ECI1: variants seen among roughly 807,000 people sequenced by gnomAD.
ECI1 encodes enoyl-CoA delta isomerase 1.
In ECI1, 34 loss-of-function variants were observed where a neutral mutation model predicts 34.2. The observed-to-expected ratio is 1.00, with a 90% CI of 0.76 to 1.33. The LOEUF (loss-of-function observed/expected upper bound fraction) is 1.33. Ranked by LOEUF, ECI1 falls within the 40% of genes most tolerant of loss-of-function variation. The pLI is 0.00. For synonymous variants in ECI1, 211 were observed against 193.0 expected, an observed-to-expected ratio of 1.09 and a Z score of -0.77; for missense variants, 456 against 422.2, an observed-to-expected ratio of 1.08 and a Z score of -0.70.
chr16:2,245,286 T>C (rs974064761), intron 3 of ECI1, among the ~76,000 whole-genome samples: 4 of 152,200 alleles, frequency 2.6e-5, no homozygotes, highest in African/African-American at 9.6e-5. Context: ...GTGGGTGAAC[T>C]TGTTCCTGCA....
Position 2,239,548 on chromosome 16 carries a change from G to C in ECI1, c.*431C>G. On this transcript the variant is annotated 3_prime_UTR_variant, in exon 7 of 7. Transcript: ENST00000301729. ...TGCGCTCTTCATCCTGATGAGTAAG[G>C]GCAGTGACCAAAGGGCTTTTCCCTG... The C allele has an allele frequency of 3.3e-6, 1 of 298,922 alleles. No homozygotes were observed. The highest frequency in any genetic ancestry group is 6.5e-6 in the Non-Finnish European group (1 of 152,890). The allele number at this position is 298,922 out of a possible 1,614,324, so 18.5% of individuals were successfully genotyped here.
In ECI1 at chr16:2,239,958, A is replaced by G. The variant is rs758545686; in HGVS notation, c.*21T>C. 36 of 1,613,060 alleles carry G rather than the reference A, an allele frequency of 2.2e-5. No individual in the cohort carries two copies. The highest frequency in any genetic ancestry group is 1.2e-4 in the Admixed American group (7 of 60,008). On this transcript the variant is annotated 3_prime_UTR_variant, in exon 7 of 7. Transcript: ENST00000301729. The stretch of plus-strand genomic sequence containing the variant: ...GACCCACAGGGGCACGTGTGGCCGT[A>G]AGCCTGTGGCAGCCCAATCGTTAGC...
rs767307483 is a variant in ECI1 at position 2,243,412 on chromosome 16, C to T, written c.469G>A (p.Val157Met). ...ATGCGGTAGTCACAGGTCAGGGCCA[C>T]CAGGCAGCCTCCAGCGGGGCAGGCT... ...NGACPAGGCL[V>M]ALTCDYRILA... is the part of the protein sequence containing the mutation. Residue 157 changes from valine to methionine, a missense_variant, in exon 5 of 7, where the codon GTG (valine) becomes ATG (methionine). Transcript: ENST00000301729. The T allele has an allele frequency of 6.2e-7, 1 of 1,613,474 alleles. No individual in the cohort carries two copies. The highest frequency in any genetic ancestry group is 1.7e-5 in the Admixed American group (1 of 60,032).
At chr16:2,242,048 CAG>C (rs898832419) in intron 6 of ECI1, among the ~76,000 whole-genome samples, 4 of 152,076 alleles carry the variant, frequency 2.6e-5, no homozygotes, top group Non-Finnish European at 5.9e-5. Flanking sequence ...TTAGTAGAGA[CAG>C]GGTTTCACCG....
At chr16:2,241,609 T>G (rs1266229194) in intron 6 of ECI1, 1 of 152,204 alleles carries the variant, frequency 6.6e-6, no homozygotes, top group African/African-American at 2.4e-5. Context: ...TTTTTACATT[T>G]TTGAATAGTT....
At chr16:2,247,837 G>A (rs1374240517) in intron 2 of ECI1, among the ~76,000 whole-genome samples, 1 of 152,120 alleles carries the variant, frequency 6.6e-6, no homozygotes, top group East Asian at 1.9e-4. Context: ...CTGCTGAGTA[G>A]CTGGGATTAT....
chr16:2,245,000 G>A (rs1276459929), intron 3 of ECI1, among the ~76,000 whole-genome samples: 1 of 152,216 alleles, frequency 6.6e-6, no homozygotes, highest in Non-Finnish European at 1.5e-5. Flanking sequence ...GTGGGAGAAT[G>A]ATCTGGAATG....
At chr16:2,250,375 C>T (rs2093550565) in intron 2 of ECI1, among the ~76,000 whole-genome samples, 2 of 151,956 alleles carry the variant, frequency 1.3e-5, no homozygotes, top group African/African-American at 4.8e-5. Context: ...GAGGACGGAA[C>T]CAAGTTCAGA....
chr16:2,242,059 C>A (rs1226329190), intron 6 of ECI1, among the ~76,000 whole-genome samples: 1 of 152,104 alleles, frequency 6.6e-6, no homozygotes, highest in Non-Finnish European at 1.5e-5. Context: ...AGGGTTTCAC[C>A]GTGTTAGCCA....
At chr16:2,247,876 T>A (rs1250729905) in intron 2 of ECI1, among the ~76,000 whole-genome samples, 2 of 151,992 alleles carry the variant, frequency 1.3e-5, no homozygotes, top group African/African-American at 4.8e-5. Context: ...CCAGTTAATC[T>A]TTTTTATTTT....
Position 2,239,957 on chromosome 16 carries a change from T to C in ECI1, c.*22A>G, listed in dbSNP as rs369903140. Reference sequence around the variant, plus strand: ...GGACCCACAGGGGCACGTGTGGCCGTAAGCCTGTGGCAGCCCAATCGTTAG... The same window carrying C: ...GGACCCACAGGGGCACGTGTGGCCGCAAGCCTGTGGCAGCCCAATCGTTAG... On this transcript the variant is annotated 3_prime_UTR_variant, in exon 7 of 7. Coordinates refer to ENST00000301729, the MANE Select transcript of ECI1 (RefSeq NM_001919.4). 1.3e-5 allele frequency: 21 copies of C among 1,613,206 alleles called. No homozygotes were observed. In the African/African-American group the frequency reaches 2.8e-4, roughly 22 times the overall value.
rs763405963 is a variant in ECI1 at position 2,247,006 on chromosome 16, G to C, written c.167-20C>G. Reference sequence around the variant, plus strand: ...CGACCCCTAATTTAAAGAATGAGAAGAGAAAGCTCACACCTGGCACTGGAA... The same window carrying C: ...CGACCCCTAATTTAAAGAATGAGAACAGAAAGCTCACACCTGGCACTGGAA... On this transcript the variant is annotated intron_variant, in intron 2 of 6. Coordinates refer to ENST00000301729, the MANE Select transcript of ECI1 (RefSeq NM_001919.4). The C allele has an allele frequency of 1.2e-6, 2 of 1,611,300 alleles. No homozygotes were observed. Among genetic ancestry groups the C allele is most frequent in the Admixed American group, 1.7e-5 (1 of 59,910 alleles).
intron 2 of ECI1, among the ~76,000 whole-genome samples, chr16:2,249,048 T>TA (rs1232700245): frequency 2.2e-4 from 33 of 152,020 alleles, no homozygotes; most frequent in Middle Eastern, 3.4e-3. Context: ...TTTATTTAAT[T>TA]AATTAATTTA....
At chr16:2,244,820 CA>C (rs1406298143) in intron 3 of ECI1, among the ~76,000 whole-genome samples, 2 of 152,210 alleles carry the variant, frequency 1.3e-5, no homozygotes, top group African/African-American at 4.8e-5. Context: ...AGGCACCTCT[CA>C]GGGACATAAG....
At chr16:2,249,199 C>G (rs1448425185) in intron 2 of ECI1, among the ~76,000 whole-genome samples, 2 of 152,056 alleles carry the variant, frequency 1.3e-5, no homozygotes, top group Non-Finnish European at 2.9e-5. Context: ...GTGCCCGCCA[C>G]CACGCCCGGC....
chr16:2,244,504 C>A lies in ECI1; in HGVS notation c.343G>T (p.Gly115Trp). ...CCAGCGTAGTGGGCGGGGCTCCTCC[C>A]ACACATCTCCGTCAGGTCCAGGCCG... ...SAGLDLTEMC[G>W]RSPAHYAGYW... The change falls in exon 4 of 7, where the codon GGG (glycine) becomes TGG (tryptophan). Residue 115 changes from glycine to tryptophan, a missense_variant. Physicochemically the swap from Gly to Trp is radical, Grantham distance 184. Transcript: ENST00000301729. 6.2e-7 allele frequency: 1 copy of A among 1,605,604 alleles called. No individual in the cohort carries two copies. The highest frequency in any genetic ancestry group is 8.5e-7 in the Non-Finnish European group (1 of 1,176,864).
chr16:2,244,371 A>G, intron 4 of ECI1, 35 bp downstream of exon 4: 1 of 1,607,094 alleles, frequency 6.2e-7, no homozygotes, highest in Non-Finnish European at 8.5e-7. Context: ...GGCCCAGAAC[A>G]GCCAGCGAGG....
intron 3 of ECI1, among the ~76,000 whole-genome samples, chr16:2,245,264 C>A (rs7187035): frequency 6.6e-6 from 1 of 152,152 alleles, no homozygotes; most frequent in Non-Finnish European, 1.5e-5. Flanking sequence ...GAGGGCCAGA[C>A]CCCCCAAGGC....
intron 3 of ECI1, among the ~76,000 whole-genome samples, chr16:2,246,294 TG>T (rs1303596362): frequency 2.0e-5 from 3 of 152,224 alleles, no homozygotes; most frequent in Non-Finnish European, 4.4e-5. Context: ...CCCTGAAGAC[TG>T]GCCCACAGAG....
Sources: gnomAD v4.1 joint callset for allele counts (sites outside exome capture counted in the v4.1 genomes callset) on GRCh38, gnomAD v4.1.1 for gene constraint, MANE v1.5 for transcripts, NCBI Gene and HGNC (gene_info 2026-07-23, HGNC 2026-07-21) for gene names.